The following ESRRG variants were observed in gnomAD, a reference collection of about 807,000 sequenced individuals.
ESRRG encodes the protein estrogen-related receptor gamma.
Under a neutral mutation model 44.0 loss-of-function variants are expected in ESRRG, and 13 were observed. The ratio of observed to expected loss-of-function variants is 0.30; its 90% CI spans 0.19 to 0.47. The LOEUF is 0.47. Among genes scored for constraint, ESRRG ranks in the 20% least tolerant of loss-of-function variants. ESRRG has a pLI of 1.00. For synonymous variants in ESRRG, 215 were observed against 214.6 expected (o/e 1.00, Z -0.02); for missense variants, 395 against 580.6 (o/e 0.68, Z 3.29).
At chr1:217,014,006 A>G (rs747004591) in intron 1 of ESRRG, among the ~76,000 whole-genome samples, 25 of 152,214 alleles carry the variant, frequency 1.6e-4, no homozygotes, top group African/African-American at 4.3e-4. Flanking sequence ...GCAATGCTCC[A>G]AAAGGAGTGA....
At chr1:216,667,238 C>A (rs1344579472) in intron 2 of ESRRG, among the ~76,000 whole-genome samples, 1 of 152,088 alleles carries the variant, frequency 6.6e-6, no homozygotes, top group Non-Finnish European at 1.5e-5. Flanking sequence ...AGAGTACATG[C>A]TTTGATTAAG....
At chr1:216,614,651 T>C (rs2061162600) in intron 3 of ESRRG, among the ~76,000 whole-genome samples, 1 of 152,234 alleles carries the variant, frequency 6.6e-6, no homozygotes, top group African/African-American at 2.4e-5. Context: ...TACAGTCTTG[T>C]CAGTTCTAGT....
At chr1:216,600,716 C>T (rs1188602231) in intron 3 of ESRRG, among the ~76,000 whole-genome samples, 1 of 152,154 alleles carries the variant, frequency 6.6e-6, no homozygotes, top group Non-Finnish European at 1.5e-5. Flanking sequence ...CAGATGACTG[C>T]ATTTATCTGA....
intron 2 of ESRRG, among the ~76,000 whole-genome samples, chr1:216,729,621 G>T (rs781462394): frequency 2.0e-5 from 3 of 152,162 alleles, no homozygotes; most frequent in Admixed American, 1.3e-4. Context: ...TGTTTTCTGC[G>T]TGGGGATGAG....
At chr1:216,898,010 T>C (rs2058619047) in intron 2 of ESRRG, among the ~76,000 whole-genome samples, 1 of 152,166 alleles carries the variant, frequency 6.6e-6, no homozygotes, top group East Asian at 1.9e-4. Flanking sequence ...ACAATGAATA[T>C]GCATCCACAT....
chr1:216,539,858 T>C (rs756555073), intron 5 of ESRRG, among the ~76,000 whole-genome samples: 17 of 152,048 alleles, frequency 1.1e-4, no homozygotes, highest in Non-Finnish European at 2.1e-4. Flanking sequence ...ATTAAGTTAA[T>C]TTGAGATGTA....
intron 2 of ESRRG, among the ~76,000 whole-genome samples, chr1:216,828,786 G>A (rs1198316235): frequency 7.2e-6 from 1 of 139,822 alleles, no homozygotes; most frequent in African/African-American, 2.7e-5. Flanking sequence ...TGTTCTCATT[G>A]ATGCTAGAAC....
At chr1:216,565,252 G>A (rs2059481207) in intron 4 of ESRRG, among the ~76,000 whole-genome samples, 2 of 152,134 alleles carry the variant, frequency 1.3e-5, no homozygotes, top group African/African-American at 4.8e-5. Flanking sequence ...TATGGAAGGG[G>A]CTGTAAAGTC....
intron 1 of ESRRG, among the ~76,000 whole-genome samples, chr1:217,007,902 G>GAGCATTAAGAGCATTA (rs1157859218): frequency 2.0e-5 from 3 of 152,170 alleles, no homozygotes; most frequent in Non-Finnish European, 4.4e-5. Flanking sequence ...GGGGAGGAAA[G>GAGCATTAAGAGCATTA]AGCATTAAGA....
chr1:217,130,500 A>C (rs112817859), intron 1 of ESRRG, among the ~76,000 whole-genome samples: 5 of 152,228 alleles, frequency 3.3e-5, no homozygotes, highest in African/African-American at 1.2e-4. Context: ...CCTCCCAAAG[A>C]GCTGGGACTG....
chr1:216,710,443 C>CA (rs914455340), intron 1 of ESRRG, among the ~76,000 whole-genome samples: 1 of 152,060 alleles, frequency 6.6e-6, no homozygotes, highest in African/African-American at 2.4e-5. Context: ...TGCCACTAAA[C>CA]AAAAAAAGGC....
intron 1 of ESRRG, among the ~76,000 whole-genome samples, chr1:216,975,149 C>T (rs2072600423): frequency 6.6e-6 from 1 of 152,142 alleles, no homozygotes; most frequent in Admixed American, 6.6e-5. Context: ...ATACTCAGAA[C>T]AGTTACCCTT....
At chr1:216,864,300 T>C (rs1328107462) in intron 2 of ESRRG, 1 of 143,910 alleles carries the variant, frequency 6.9e-6, no homozygotes, top group East Asian at 2.1e-4. Flanking sequence ...CACAATTTCC[T>C]AGGAGGCAGC....
chr1:216,600,781 C>T lies in ESRRG; in HGVS notation c.590-32683G>A, dbSNP rs550549167. On this transcript the variant is annotated intron_variant, in intron 3 of 6. Transcript: ENST00000408911. ...ACCATGTCGTTTTCACCCAGATTTC[C>T]GGATGTAATTCCGTGTTTTGAAATG... Among the ~76,000 whole-genome samples the T allele has an allele frequency of 2.6e-5, 4 of 152,246 alleles. No individual in the cohort carries two copies. In the South Asian group the frequency reaches 8.3e-4, roughly 32 times the overall value.
At chr1:216,941,637 A>G (rs1339614567) in intron 1 of ESRRG, among the ~76,000 whole-genome samples, 2 of 152,138 alleles carry the variant, frequency 1.3e-5, no homozygotes, top group African/African-American at 2.4e-5. Context: ...TGTTACCCCT[A>G]TGATTTCCTC....
At chr1:216,623,869 CA>C (rs2062716748) in intron 3 of ESRRG, among the ~76,000 whole-genome samples, 2 of 151,596 alleles carry the variant, frequency 1.3e-5, no homozygotes, top group Admixed American at 1.3e-4. Flanking sequence ...AAATATAGAA[CA>C]AAGACAGGTC....
intron 2 of ESRRG, among the ~76,000 whole-genome samples, chr1:216,789,266 T>G (rs190360442): frequency 1.3e-5 from 2 of 152,146 alleles, no homozygotes; most frequent in East Asian, 1.9e-4. Flanking sequence ...TTTTAAGAAA[T>G]TGTCATAGCC....
intron 2 of ESRRG, among the ~76,000 whole-genome samples, chr1:216,818,595 C>CTT (rs542753363): frequency 2.0e-5 from 3 of 147,220 alleles, no homozygotes; most frequent in African/African-American, 5.0e-5. Context: ...CTGTGGGTTT[C>CTT]TTTTTTTTTT....
At chr1:216,751,260 C>A (rs1457267921) in intron 2 of ESRRG, among the ~76,000 whole-genome samples, 2 of 152,050 alleles carry the variant, frequency 1.3e-5, no homozygotes, top group Admixed American at 1.3e-4. Flanking sequence ...ATTAGTGAGG[C>A]TGTTGTCATA....
Sources: allele counts gnomAD v4.1 joint callset (sites outside exome capture counted in the v4.1 genomes callset), GRCh38; gene constraint gnomAD v4.1.1; transcripts MANE v1.5; gene names NCBI Gene and HGNC (gene_info 2026-07-23, HGNC 2026-07-21).